The following ROCK2 variants were observed in gnomAD, a reference collection of about 807,000 sequenced individuals.
The protein encoded by ROCK2 is Rho associated coiled-coil containing protein kinase 2.
Under a neutral mutation model 195.1 loss-of-function variants are expected in ROCK2, and 61 were observed. The observed-to-expected ratio is 0.31, with a 90% CI of 0.25 to 0.39. The LOEUF is 0.39. Ranked by LOEUF, ROCK2 falls within the 10% of genes least tolerant of loss-of-function variation. The probability of loss-of-function intolerance (pLI) is 1.00; values close to 1 mark genes in which losing one functional copy is unlikely to be tolerated. For synonymous variants in ROCK2, 504 were observed against 545.5 expected, an observed-to-expected ratio of 0.92 and a Z score of 1.06; for missense variants, 1,109 against 1,637.4, an observed-to-expected ratio of 0.68 and a Z score of 5.57.
At chr2:11,292,749 A>C (rs1022007835) in intron 1 of ROCK2, among the ~76,000 whole-genome samples, 3 of 152,208 alleles carry the variant, frequency 2.0e-5, no homozygotes, top group Admixed American at 2.0e-4. Context: ...ACACAAATAC[A>C]TAACTAAAAT....
intron 1 of ROCK2, among the ~76,000 whole-genome samples, chr2:11,296,005 G>GAGAGAGGGGAGAGAGAGAGA (rs1553313929): frequency 9.7e-5 from 1 of 10,342 alleles, no homozygotes; most frequent in Non-Finnish European, 2.5e-4. Flanking sequence ...GAGAGAGAGA[G>GAGAGAGGGGAGAGAGAGAGA]GAGAGAGAGA....
At chr2:11,211,889 C>G (rs745610051) in intron 17 of ROCK2, 49 bp from the exon 18 acceptor site, 1 of 1,356,158 alleles carries the variant, frequency 7.4e-7, no homozygotes, top group Non-Finnish European at 1.0e-6. Context: ...GACTAGCTCA[C>G]AATTTCAAAA....
At chr2:11,293,494 A>C (rs1211178190) in intron 1 of ROCK2, among the ~76,000 whole-genome samples, 1 of 152,230 alleles carries the variant, frequency 6.6e-6, no homozygotes, top group Non-Finnish European at 1.5e-5. Flanking sequence ...GGCAAAAGAC[A>C]GGAGCAATAG....
chr2:11,252,377 C>T (rs1665861680), intron 3 of ROCK2, among the ~76,000 whole-genome samples: 1 of 150,342 alleles, frequency 6.7e-6, no homozygotes, highest in Admixed American at 6.6e-5. Context: ...CGCCATTGCA[C>T]TCCAGCCTGG....
At chr2:11,315,511 TTTAA>T (rs1668164451) in intron 1 of ROCK2, among the ~76,000 whole-genome samples, 1 of 152,168 alleles carries the variant, frequency 6.6e-6, no homozygotes, top group Non-Finnish European at 1.5e-5. Flanking sequence ...TAATATAAGT[TTTAA>T]TTGTTTACTC....
chr2:11,188,223 C>A (rs1425199697), intron 32 of ROCK2, among the ~76,000 whole-genome samples: 1 of 150,834 alleles, frequency 6.6e-6, no homozygotes, highest in Non-Finnish European at 1.5e-5. Context: ...CAATTCTCTG[C>A]CTCAGCCTCC....
chr2:11,265,996 T>G (rs1472843209), intron 3 of ROCK2, among the ~76,000 whole-genome samples: 1 of 152,158 alleles, frequency 6.6e-6, no homozygotes, highest in African/African-American at 2.4e-5. Context: ...CTTTTTCTAT[T>G]TTTAGATTTT....
intron 18 of ROCK2, 39 bp from the exon 19 acceptor site, chr2:11,208,486 A>T: frequency 5.4e-6 from 2 of 367,512 alleles, no homozygotes; most frequent in Non-Finnish European, 8.2e-6. Context: ...AAATTTACAA[A>T]TAAAAGAAGC....
chr2:11,211,999 C>A (rs192624856), intron 17 of ROCK2, among the ~76,000 whole-genome samples, 159 bp from the exon 18 acceptor site: 1 of 151,982 alleles, frequency 6.6e-6, no homozygotes, highest in Admixed American at 6.6e-5. Flanking sequence ...TCAACCTCCC[C>A]AGGCTCAAGC....
intron 3 of ROCK2, among the ~76,000 whole-genome samples, chr2:11,266,195 G>A (rs1156864090): frequency 6.6e-6 from 1 of 152,162 alleles, no homozygotes; most frequent in Non-Finnish European, 1.5e-5. Flanking sequence ...CCCTCCTGAG[G>A]GACCTGCCTG....
chr2:11,329,189 A>G (rs901729713), intron 1 of ROCK2, among the ~76,000 whole-genome samples: 6 of 152,142 alleles, frequency 3.9e-5, no homozygotes, highest in African/African-American at 1.4e-4. Flanking sequence ...AACTCTTAAG[A>G]AAAAAATTCA....
At chr2:11,261,015 C>T (rs1354727161) in intron 3 of ROCK2, among the ~76,000 whole-genome samples, 2 of 152,208 alleles carry the variant, frequency 1.3e-5, no homozygotes, top group African/African-American at 2.4e-5. Flanking sequence ...TGTGAGACTG[C>T]GTAGTGGCTG....
intron 32 of ROCK2, among the ~76,000 whole-genome samples, chr2:11,191,682 G>GT (rs1663428354): frequency 6.6e-6 from 1 of 152,148 alleles, no homozygotes; most frequent in Non-Finnish European, 1.5e-5. Flanking sequence ...TTATTATACA[G>GT]TAAGTCCTCA....
chr2:11,256,961 T>C (rs2148139245), intron 3 of ROCK2, among the ~76,000 whole-genome samples: 1 of 151,420 alleles, frequency 6.6e-6, no homozygotes, highest in East Asian at 1.9e-4. Flanking sequence ...GACCAAAATT[T>C]TTAATGCAGG....
intron 1 of ROCK2, among the ~76,000 whole-genome samples, chr2:11,337,002 G>C (rs1180413479): frequency 6.6e-6 from 1 of 152,184 alleles, no homozygotes; most frequent in African/African-American, 2.4e-5. Flanking sequence ...CAGCACTTTG[G>C]GAGGCCAAGG....
At chr2:11,284,935 C>T (rs749135759) in intron 3 of ROCK2, among the ~76,000 whole-genome samples, 10 of 152,282 alleles carry the variant, frequency 6.6e-5, no homozygotes, top group African/African-American at 1.9e-4. Context: ...AATTATTCAA[C>T]GTGCTACCAT....
At chr2:11,250,492 A>G (rs2148128427) in intron 3 of ROCK2, among the ~76,000 whole-genome samples, 2 of 152,358 alleles carry the variant, frequency 1.3e-5, no homozygotes, top group East Asian at 3.9e-4. Context: ...ATGAATGATT[A>G]TAACAGTTAA....
At chr2:11,267,552 A>G in intron 3 of ROCK2, among the ~76,000 whole-genome samples, 1 of 151,708 alleles carries the variant, frequency 6.6e-6, no homozygotes, top group East Asian at 1.9e-4. Context: ...AACAACAAAA[A>G]CCCCGAACAA....
chr2:11,231,190 T>G (rs1399290263), intron 5 of ROCK2, among the ~76,000 whole-genome samples: 1 of 151,906 alleles, frequency 6.6e-6, no homozygotes, highest in Non-Finnish European at 1.5e-5. Flanking sequence ...GGTAATTTTT[T>G]TTTTTCTTCA....
Sources: allele counts gnomAD v4.1 joint callset (sites outside exome capture counted in the v4.1 genomes callset), GRCh38; gene constraint gnomAD v4.1.1; transcripts MANE v1.5; gene names NCBI Gene and HGNC (gene_info 2026-07-23, HGNC 2026-07-21).